NCAM1: variants seen among roughly 807,000 people sequenced by gnomAD.
The protein encoded by NCAM1 is antigen recognized by monoclonal antibody 5.1H11.
Under a neutral mutation model 109.8 loss-of-function variants are expected in NCAM1, and 14 were observed. That is an observed-to-expected ratio of 0.13 (90% CI 0.08 to 0.20). The LOEUF (loss-of-function observed/expected upper bound fraction) is 0.20. Ranked by LOEUF, NCAM1 falls within the 10% of genes least tolerant of loss-of-function variation. The pLI is 1.00. For missense variants in NCAM1, 774 were observed against 1,109.9 expected (o/e 0.70, Z 4.30); for synonymous variants, 418 against 442.9 (o/e 0.94, Z 0.70).
intron 1 of NCAM1, among the ~76,000 whole-genome samples, chr11:112,974,801 A>G (rs1437396962): frequency 6.7e-6 from 1 of 149,944 alleles, no homozygotes; most frequent in East Asian, 2.1e-4. Flanking sequence ...ACCCTCCTGT[A>G]GCTTACAGTT....
At chr11:113,045,838 A>G (rs898495359) in intron 1 of NCAM1, among the ~76,000 whole-genome samples, 1 of 152,010 alleles carries the variant, frequency 6.6e-6, no homozygotes. Flanking sequence ...TTCTTTGGAT[A>G]AAAGAGTTTT....
At chr11:112,985,950 A>G (rs994757483) in intron 1 of NCAM1, among the ~76,000 whole-genome samples, 3 of 151,898 alleles carry the variant, frequency 2.0e-5, no homozygotes, top group African/African-American at 7.2e-5. Context: ...GTACTATTTT[A>G]AACAGAAGTG....
intron 17 of NCAM1, chr11:113,264,936 G>C (rs45545533): frequency 5.1e-4 from 500 of 985,614 alleles, no homozygotes; most frequent in Non-Finnish European, 5.8e-4. Context: ...GAGTCCTGGA[G>C]ACAGCAGCCC....
At chr11:113,109,385 C>G (rs933374820) in intron 1 of NCAM1, among the ~76,000 whole-genome samples, 40 of 150,038 alleles carry the variant, frequency 2.7e-4, no homozygotes, top group Non-Finnish European at 5.0e-4. Context: ...GAGGAATTGT[C>G]AGGAATTGGA....
At chr11:113,170,569 G>T (rs1555106028) in intron 1 of NCAM1, among the ~76,000 whole-genome samples, 1 of 152,156 alleles carries the variant, frequency 6.6e-6, no homozygotes, top group Non-Finnish European at 1.5e-5. Context: ...TTGAGGAATT[G>T]GTCTTTGGGA....
At chr11:113,104,303 A>G (rs1459277109) in intron 1 of NCAM1, among the ~76,000 whole-genome samples, 4 of 151,142 alleles carry the variant, frequency 2.6e-5, no homozygotes, top group African/African-American at 9.7e-5. Flanking sequence ...ACAGTGATTT[A>G]TACTGCCCTA....
chr11:113,023,625 A>C (rs1187274565), intron 1 of NCAM1, among the ~76,000 whole-genome samples: 1 of 152,224 alleles, frequency 6.6e-6, no homozygotes, highest in Non-Finnish European at 1.5e-5. Flanking sequence ...TTGATTAGGA[A>C]TTTTAGGGTC....
At chr11:113,095,860 C>T (rs1419882213) in intron 1 of NCAM1, among the ~76,000 whole-genome samples, 1 of 152,194 alleles carries the variant, frequency 6.6e-6, no homozygotes, top group Middle Eastern at 3.2e-3. Context: ...TTCCTGTCAT[C>T]TGCCAGTGCC....
chr11:113,166,050 C>T (rs1707322967), intron 1 of NCAM1, among the ~76,000 whole-genome samples: 1 of 151,876 alleles, frequency 6.6e-6, no homozygotes, highest in Non-Finnish European at 1.5e-5. Flanking sequence ...CCAGGGTGGT[C>T]CCGATCTCCT....
intron 1 of NCAM1, among the ~76,000 whole-genome samples, chr11:113,182,739 A>G (rs918795764): frequency 6.6e-6 from 1 of 152,186 alleles, no homozygotes; most frequent in Admixed American, 6.5e-5. Flanking sequence ...CCAGCAGTGG[A>G]GAGTCGAGCG....
intron 1 of NCAM1, among the ~76,000 whole-genome samples, chr11:113,183,141 T>C (rs1393535030): frequency 6.6e-6 from 1 of 152,162 alleles, no homozygotes; most frequent in Non-Finnish European, 1.5e-5. Context: ...TGTGGGTGTT[T>C]GTAGGGGCAA....
chr11:113,202,663 A>T (rs1037430916), intron 2 of NCAM1, among the ~76,000 whole-genome samples: 1 of 152,218 alleles, frequency 6.6e-6, no homozygotes, highest in East Asian at 1.9e-4. Context: ...CAAATCTGTC[A>T]TCTAGACTTC....
chr11:113,218,067 A>G (rs1053837364), intron 8 of NCAM1, among the ~76,000 whole-genome samples: 2 of 152,244 alleles, frequency 1.3e-5, no homozygotes. Context: ...GTGTATATTA[A>G]AAGTAAAGTA....
chr11:113,017,158 T>G (rs1302291669), intron 1 of NCAM1, among the ~76,000 whole-genome samples: 1 of 152,156 alleles, frequency 6.6e-6, no homozygotes, highest in Non-Finnish European at 1.5e-5. Context: ...AAGAAACTGC[T>G]CCACCTTCTC....
At chr11:113,235,346 C>T (rs1555118079) in intron 14 of NCAM1, 182 bp downstream of exon 14, 1 of 1,286,710 alleles carries the variant, frequency 7.8e-7, no homozygotes, top group East Asian at 2.3e-5. Flanking sequence ...CACACAGTCC[C>T]TTCATTCTCT....
At chr11:113,034,124 C>G (rs1297163712) in intron 1 of NCAM1, among the ~76,000 whole-genome samples, 1 of 152,112 alleles carries the variant, frequency 6.6e-6, no homozygotes, top group East Asian at 1.9e-4. Flanking sequence ...CAAATCTAGT[C>G]GTGATAATGA....
intron 1 of NCAM1, among the ~76,000 whole-genome samples, chr11:113,026,255 T>C (rs782344662): frequency 3.3e-5 from 5 of 152,318 alleles, no homozygotes; most frequent in East Asian, 1.9e-4. Context: ...ACCCAACTAA[T>C]GGGGACTGTG....
chr11:112,985,516 C>T (rs890680585), intron 1 of NCAM1, among the ~76,000 whole-genome samples: 2 of 151,884 alleles, frequency 1.3e-5, no homozygotes, highest in Non-Finnish European at 2.9e-5. Context: ...GACATTTTAA[C>T]AGTATTAATT....
At chr11:113,113,234 G>T (rs1224676638) in intron 1 of NCAM1, among the ~76,000 whole-genome samples, 3 of 152,102 alleles carry the variant, frequency 2.0e-5, no homozygotes, top group African/African-American at 7.2e-5. Flanking sequence ...TAGTAGAAAG[G>T]GTCTAAACCT....
Sources: allele counts gnomAD v4.1 joint callset (sites outside exome capture counted in the v4.1 genomes callset), GRCh38; gene constraint gnomAD v4.1.1; transcripts MANE v1.5; gene names NCBI Gene and HGNC (gene_info 2026-07-23, HGNC 2026-07-21).